Variants in ZNF385D observed in about 807,000 individuals in gnomAD.
The protein encoded by ZNF385D is zinc finger protein 659.
In ZNF385D, 15 loss-of-function variants were observed where a neutral mutation model predicts 35.8. The ratio of observed to expected loss-of-function variants is 0.42; its 90% CI spans 0.28 to 0.64. The LOEUF (loss-of-function observed/expected upper bound fraction) is 0.64, where lower values mean the gene tolerates loss of function less well. Among genes scored for constraint, ZNF385D ranks in the 30% least tolerant of loss-of-function variants. The pLI, the probability that ZNF385D is intolerant of heterozygous loss-of-function variation, is 0.23. For missense variants in ZNF385D, 474 were observed against 494.6 expected (o/e 0.96, Z 0.39); for synonymous variants, 212 against 186.8 (o/e 1.13, Z -1.10).
chr3:22,216,944 G>A (rs75030218), intron 2 of ZNF385D, among the ~76,000 whole-genome samples: 3 of 152,124 alleles, frequency 2.0e-5, no homozygotes, highest in Admixed American at 6.6e-5. Flanking sequence ...CAACACTGGA[G>A]AGAGAAGTGC....
At chr3:22,102,156 T>C (rs550609400) in intron 3 of ZNF385D, among the ~76,000 whole-genome samples, 2 of 152,146 alleles carry the variant, frequency 1.3e-5, no homozygotes, top group South Asian at 2.1e-4. Flanking sequence ...GAATGTGTTC[T>C]TTTCCCAGGA....
chr3:22,044,373 C>T (rs568419011), intron 3 of ZNF385D, among the ~76,000 whole-genome samples: 2 of 152,120 alleles, frequency 1.3e-5, no homozygotes, highest in South Asian at 4.2e-4. Flanking sequence ...AATCACATCC[C>T]AAACTGGCCT....
In ZNF385D at chr3:22,291,737, A is replaced by T. The variant is rs560743675; in HGVS notation, c.106+80713T>A. On this transcript the variant is annotated intron_variant, in intron 2 of 5. Coordinates refer to the ZNF385D transcript ENST00000494108. ...TTCTTCACTTTACTAGAGATACCAT[A>T]ATGTGAGGTTTTATTGCAGATTTAC... Among the ~76,000 whole-genome samples, 6 of 152,148 alleles carry T rather than the reference A, an allele frequency of 3.9e-5. No individual in the cohort carries two copies. The South Asian group carries it at 1.2e-3, about 32-fold the overall frequency.
At chr3:22,281,220 C>T (rs113145738) in intron 2 of ZNF385D, among the ~76,000 whole-genome samples, 2 of 151,908 alleles carry the variant, frequency 1.3e-5, no homozygotes, top group Admixed American at 6.6e-5. Flanking sequence ...GTTTGGATAC[C>T]CTTTCTTTCT....
intron 1 of ZNF385D, among the ~76,000 whole-genome samples, chr3:21,732,030 GTTTTTTTTTTTTTTTTTTT>G: frequency 2.7e-5 from 1 of 37,398 alleles, no homozygotes; most frequent in Admixed American, 4.7e-4. Context: ...TTTTTTCGGG[GTTTTTTTTTTTTTTTTTTT>G]TTTTTTTTTT....
At chr3:21,896,210 A>G (rs946336461) in intron 3 of ZNF385D, among the ~76,000 whole-genome samples, 5 of 152,160 alleles carry the variant, frequency 3.3e-5, no homozygotes, top group African/African-American at 1.2e-4. Context: ...GGATGCCTGT[A>G]ATTACATCAC....
intron 2 of ZNF385D, among the ~76,000 whole-genome samples, chr3:21,647,229 G>A (rs1425800101): frequency 6.6e-6 from 1 of 152,132 alleles, no homozygotes; most frequent in Non-Finnish European, 1.5e-5. Flanking sequence ...TCTCATATGA[G>A]AGTTTCCTTG....
chr3:21,881,235 C>T (rs1274518938), intron 3 of ZNF385D, among the ~76,000 whole-genome samples: 4 of 151,714 alleles, frequency 2.6e-5, no homozygotes, highest in African/African-American at 7.2e-5. Flanking sequence ...TTTCATAGCT[C>T]TAAGGAAGTT....
At chr3:22,105,252 C>T (rs1045805455) in intron 3 of ZNF385D, among the ~76,000 whole-genome samples, 40 of 150,872 alleles carry the variant, frequency 2.7e-4, no homozygotes, top group African/African-American at 9.3e-4. Context: ...ATATTAAGTG[C>T]CAAATAGTGT....
At chr3:21,933,377 A>C (rs1422755360) in intron 3 of ZNF385D, among the ~76,000 whole-genome samples, 1 of 152,182 alleles carries the variant, frequency 6.6e-6, no homozygotes, top group Non-Finnish European at 1.5e-5. Context: ...AGTCTGTGGT[A>C]CATTTGAAAT....
At chr3:22,096,808 G>C (rs957484972) in intron 3 of ZNF385D, among the ~76,000 whole-genome samples, 3 of 151,966 alleles carry the variant, frequency 2.0e-5, no homozygotes, top group African/African-American at 7.2e-5. Context: ...TTAAAAATAT[G>C]GCCTCACAAT....
chr3:21,949,537 C>CTTG (rs200708584), intron 3 of ZNF385D, among the ~76,000 whole-genome samples: 2 of 112,110 alleles, frequency 1.8e-5, no homozygotes, highest in Non-Finnish European at 3.4e-5. Context: ...TATTTTCTTT[C>CTTG]CTTCTTTTCT....
chr3:22,230,133 G>T (rs1221871118), intron 2 of ZNF385D, among the ~76,000 whole-genome samples: 1 of 152,126 alleles, frequency 6.6e-6, no homozygotes, highest in East Asian at 1.9e-4. Flanking sequence ...CACTAGGATG[G>T]TTTTTAGGAT....
At chr3:21,885,547 G>C (rs1698495598) in intron 3 of ZNF385D, among the ~76,000 whole-genome samples, 1 of 151,910 alleles carries the variant, frequency 6.6e-6, no homozygotes, top group Non-Finnish European at 1.5e-5. Flanking sequence ...TCAGAGATCA[G>C]CTATGCATAC....
intron 2 of ZNF385D, among the ~76,000 whole-genome samples, chr3:22,300,660 T>C (rs1309059501): frequency 6.6e-6 from 1 of 151,910 alleles, no homozygotes; most frequent in African/African-American, 2.4e-5. Flanking sequence ...AAAGAAGGCA[T>C]ACAAATGACC....
intron 3 of ZNF385D, among the ~76,000 whole-genome samples, chr3:21,992,134 A>G (rs568169268): frequency 6.6e-6 from 1 of 152,284 alleles, no homozygotes; most frequent in African/African-American, 2.4e-5. Context: ...TTATATTGTT[A>G]TTAGCTACCA....
chr3:21,700,638 T>G (rs1213032825), intron 1 of ZNF385D, among the ~76,000 whole-genome samples: 1 of 152,164 alleles, frequency 6.6e-6, no homozygotes, highest in African/African-American at 2.4e-5. Context: ...TGATCCTCAT[T>G]TACTGGTGTG....
At chr3:21,478,302 G>T (rs1704379129) in intron 4 of ZNF385D, among the ~76,000 whole-genome samples, 1 of 152,014 alleles carries the variant, frequency 6.6e-6, no homozygotes, top group African/African-American at 2.4e-5. Flanking sequence ...CACTTTCTCT[G>T]CAGTGTTCTT....
At chr3:22,142,931 C>T (rs894233274) in intron 3 of ZNF385D, among the ~76,000 whole-genome samples, 1 of 152,006 alleles carries the variant, frequency 6.6e-6, no homozygotes, top group Non-Finnish European at 1.5e-5. Context: ...CAGGATACTG[C>T]ACTATTACTT....
Sources: gnomAD v4.1 joint callset for allele counts (sites outside exome capture counted in the v4.1 genomes callset) on GRCh38, gnomAD v4.1.1 for gene constraint, MANE v1.5 for transcripts, NCBI Gene and HGNC (gene_info 2026-07-23, HGNC 2026-07-21) for gene names.